The following SCYL2 variants were observed in gnomAD, a reference collection of about 807,000 sequenced individuals.
SCYL2 encodes the protein SCY1-like protein 2.
SCYL2 carries 36 observed loss-of-function variants against 100.4 expected under a neutral mutation model. The ratio of observed to expected loss-of-function variants is 0.36; its 90% CI spans 0.27 to 0.47. SCYL2 has a LOEUF of 0.47. SCYL2 is among the 20% of genes least tolerant of loss of function. The pLI is 1.00. For missense variants in SCYL2, 902 were observed against 1,083.9 expected, an observed-to-expected ratio of 0.83 and a Z score of 2.36; for synonymous variants, 330 against 359.2, an observed-to-expected ratio of 0.92 and a Z score of 0.92.
chr12:100,311,256 G>T, intron 5 of SCYL2, 63 bp downstream of exon 5: 2 of 1,508,160 alleles, frequency 1.3e-6, no homozygotes, highest in Admixed American at 4.3e-5. Flanking sequence ...ATCTGGAATG[G>T]ACTAGAAATA....
Position 100,315,695 on chromosome 12 carries a change from T to G in SCYL2, c.1233T>G (p.Pro411=). ...AAGAATATGTCAAATTAATTCTTCC[T>G]GAACTTGGCCCTGTGTTTAAGCAGC... The part of the protein sequence containing the change: ...TKEEYVKLIL[P]ELGPVFKQQE... The change falls in exon 9 of 18, where the codon CCT becomes CCG. Residue 411 remains proline, a synonymous_variant. Transcript: ENST00000360820. 2 of 1,611,698 alleles carry G rather than the reference T, an allele frequency of 1.2e-6. No homozygotes were observed. The highest frequency in any genetic ancestry group is 1.7e-6 in the Non-Finnish European group (2 of 1,178,764).
chr12:100,319,995 G>A (rs2096353799), intron 10 of SCYL2, among the ~76,000 whole-genome samples: 1 of 152,166 alleles, frequency 6.6e-6, no homozygotes, highest in African/African-American at 2.4e-5. Flanking sequence ...ATTTGGACGG[G>A]TAGAAGATGG....
intron 1 of SCYL2, among the ~76,000 whole-genome samples, chr12:100,282,306 AC>A (rs1393173747): frequency 1.6e-5 from 2 of 126,808 alleles, no homozygotes; most frequent in African/African-American, 2.9e-5. Flanking sequence ...ACCCCACAAA[AC>A]CCACTTTTAG....
At chr12:100,332,829 C>A (rs1361637313) in intron 13 of SCYL2, among the ~76,000 whole-genome samples, 2 of 151,900 alleles carry the variant, frequency 1.3e-5, no homozygotes, top group Non-Finnish European at 2.9e-5. Flanking sequence ...ATCCTCCCAC[C>A]TCAGCCTCCC....
chr12:100,314,465 A>G, intron 7 of SCYL2, 24 bp from the exon 8 acceptor site: 2 of 1,537,144 alleles, frequency 1.3e-6, no homozygotes, highest in Non-Finnish European at 1.8e-6. Flanking sequence ...ATTTATCAAA[A>G]TACTTTATTT....
At chr12:100,326,600 T>C (rs754359756) in intron 11 of SCYL2, 22 bp from the exon 12 acceptor site, 2 of 1,544,308 alleles carry the variant, frequency 1.3e-6, no homozygotes, top group Non-Finnish European at 1.7e-6. Flanking sequence ...TAATGACTAA[T>C]GCAATTTACC....
chr12:100,271,389 T>G (rs1195960834), intron 1 of SCYL2, among the ~76,000 whole-genome samples: 1 of 152,136 alleles, frequency 6.6e-6, no homozygotes, highest in Admixed American at 6.5e-5. Context: ...TGTGAAGTAT[T>G]TAACCGTATT....
chr12:100,294,706 C>T (rs1410021700), intron 3 of SCYL2, among the ~76,000 whole-genome samples: 2 of 126,486 alleles, frequency 1.6e-5, no homozygotes, highest in Admixed American at 7.4e-5. Context: ...GGCTGACCCC[C>T]CCACCTCCCT....
At chr12:100,313,741 C>T (rs77904648) in intron 7 of SCYL2, among the ~76,000 whole-genome samples, 4,859 of 152,274 alleles carry the variant, frequency 0.032, 95 homozygotes, top group African/African-American at 0.057. Flanking sequence ...TAATCTTACA[C>T]AGCTAAATAT....
intron 4 of SCYL2, among the ~76,000 whole-genome samples, chr12:100,306,905 G>A (rs192333440): frequency 4.7e-4 from 71 of 152,252 alleles, no homozygotes; most frequent in African/African-American, 1.6e-3. Flanking sequence ...TTGATACAAA[G>A]AGAATAAAAT....
chr12:100,269,550 G>T lies in SCYL2; in HGVS notation c.-29+1758G>T, dbSNP rs946344046. ...ATTTAATGCTTACTGAATGGGCCAA[G>T]AATTGTACTAAACATTTTATCTTAT... is the stretch of plus-strand genomic sequence containing the variant. On this transcript the variant is annotated intron_variant, in intron 1 of 17. Coordinates refer to ENST00000360820, the MANE Select transcript of SCYL2 (RefSeq NM_017988.6). 9.9e-5 allele frequency among the ~76,000 whole-genome samples: 15 copies of T among 152,122 alleles called. 1 individual carries two copies. The highest frequency in any genetic ancestry group is 2.2e-4 in the Non-Finnish European group (15 of 68,010).
In SCYL2 at chr12:100,313,507, C is replaced by A; in HGVS notation, c.938C>A (p.Thr313Asn). Residue 313 changes from threonine (T) to asparagine (N), a missense_variant, in exon 7 of 18, where the codon ACT (threonine) becomes AAT (asparagine). Coordinates refer to ENST00000360820, the MANE Select transcript of SCYL2 (RefSeq NM_017988.6). ...AAGCTACTGTTAAATGTAACTCCGACTGTAAGACCAGATGCAGATCAAATG... is the reference window on the plus strand; with the variant it reads ...AAGCTACTGTTAAATGTAACTCCGAATGTAAGACCAGATGCAGATCAAATG... ...HVKLLLNVTP[T>N]VRPDADQMTK... 1 of 1,605,220 alleles carries A rather than the reference C, an allele frequency of 6.2e-7. No homozygotes were observed. Among genetic ancestry groups the A allele is most frequent in the African/African-American group, 1.3e-5 (1 of 74,780 alleles).
intron 4 of SCYL2, among the ~76,000 whole-genome samples, chr12:100,305,494 C>T (rs2096333144): frequency 6.6e-6 from 1 of 152,190 alleles, no homozygotes; most frequent in African/African-American, 2.4e-5. Flanking sequence ...CTCTGGGACA[C>T]AGCTAAAGCA....
intron 7 of SCYL2, 70 bp downstream of exon 7, chr12:100,313,608 G>A: frequency 1.2e-6 from 1 of 817,592 alleles, no homozygotes; most frequent in Non-Finnish European, 2.0e-6. Context: ...AAGTTTTTGG[G>A]TTTTAAAAAA....
At chr12:100,300,698 A>T (rs2096326539) in intron 4 of SCYL2, among the ~76,000 whole-genome samples, 1 of 152,070 alleles carries the variant, frequency 6.6e-6, no homozygotes, top group South Asian at 2.1e-4. Context: ...CATCTCCATG[A>T]GTTCAATTGT....
intron 1 of SCYL2, among the ~76,000 whole-genome samples, chr12:100,274,697 T>C (rs1241172236): frequency 6.6e-6 from 1 of 152,224 alleles, no homozygotes; most frequent in Non-Finnish European, 1.5e-5. Flanking sequence ...TACTTTGTTT[T>C]AGTCAAGTGG....
At chr12:100,300,406 A>G (rs2096326190) in intron 4 of SCYL2, among the ~76,000 whole-genome samples, 1 of 152,064 alleles carries the variant, frequency 6.6e-6, no homozygotes, top group Non-Finnish European at 1.5e-5. Flanking sequence ...TACATGAGAT[A>G]CTTTGATACA....
At chr12:100,320,599 T>C (rs1250429186) in intron 10 of SCYL2, among the ~76,000 whole-genome samples, 4 of 128,150 alleles carry the variant, frequency 3.1e-5, no homozygotes, top group African/African-American at 1.2e-4. Flanking sequence ...TAAATAAAGT[T>C]CCTCATCCTG....
At chr12:100,273,594 G>A (rs1035221137) in intron 1 of SCYL2, among the ~76,000 whole-genome samples, 2 of 152,160 alleles carry the variant, frequency 1.3e-5, no homozygotes, top group Admixed American at 6.6e-5. Context: ...TCTGGATGAT[G>A]GATAGCATCT....
Sources: gnomAD v4.1 joint callset for allele counts (sites outside exome capture counted in the v4.1 genomes callset) on GRCh38, gnomAD v4.1.1 for gene constraint, MANE v1.5 for transcripts, NCBI Gene and HGNC (gene_info 2026-07-23, HGNC 2026-07-21) for gene names.